Variants in SEZ6L2 observed in about 807,000 individuals in gnomAD.
SEZ6L2 encodes the protein seizure related 6 homolog like 2.
Under a neutral mutation model 97.0 loss-of-function variants are expected in SEZ6L2, and 44 were observed. The ratio of observed to expected loss-of-function variants is 0.45; its 90% CI spans 0.36 to 0.58. SEZ6L2 has a LOEUF of 0.58. SEZ6L2 is among the 20% of genes least tolerant of loss of function. The probability of loss-of-function intolerance (pLI) is 0.00; values close to 1 mark genes in which losing one functional copy is unlikely to be tolerated. For missense variants in SEZ6L2, 1,086 were observed against 1,233.3 expected, an observed-to-expected ratio of 0.88 and a Z score of 1.79; for synonymous variants, 543 against 546.1, an observed-to-expected ratio of 0.99 and a Z score of 0.08.
rs763695549 is a variant in SEZ6L2 at position 29,876,776 on chromosome 16, G to C, written c.2084C>G (p.Ala695Gly). ...TCQWDLSWSAAPPACQKIMTC... is the reference protein window; with the variant it reads ...TCQWDLSWSAGPPACQKIMTC... The stretch of plus-strand genomic sequence containing the variant: ...CTCACTCTTTTGGCAGGCGGGCGGC[G>C]CGGCGCTCCAAGACAGGTCCCACTG... The change falls in exon 12 of 18, where the codon GCG (alanine) becomes GGG (glycine). Residue 695 changes from alanine to glycine, a missense_variant. Coordinates refer to ENST00000617533, the MANE Select transcript of SEZ6L2 (RefSeq NM_001243332.2). This position sits in a 1 kb window ranked among gnomAD's most constrained non-coding sequence, Gnocchi z 6.5. 9 of 1,556,698 alleles carry C rather than the reference G, an allele frequency of 5.8e-6. No homozygotes were observed. The South Asian group carries it at 9.4e-5, about 16-fold the overall frequency.
intron 5 of SEZ6L2, among the ~76,000 whole-genome samples, 190 bp from the exon 6 acceptor site, chr16:29,888,915 A>G (rs1324611334): frequency 6.6e-6 from 1 of 151,702 alleles, no homozygotes; most frequent in Non-Finnish European, 1.5e-5. Context: ...AGGAAACTCC[A>G]ACACCCCTTA....
intron 9 of SEZ6L2, 146 bp from the exon 10 acceptor site, chr16:29,878,571 AT>A: frequency 3.5e-6 from 2 of 568,428 alleles, no homozygotes; most frequent in South Asian, 9.4e-5. Context: ...TTATTCTTTT[AT>A]TTTATTTATT....
In SEZ6L2 at chr16:29,871,525, G is replaced by C. The variant is rs2067779663; in HGVS notation, c.*174C>G. The C allele has an allele frequency of 1.4e-6, 1 of 693,212 alleles. No homozygotes were observed. Among genetic ancestry groups the C allele is most frequent in the Non-Finnish European group, 2.6e-6 (1 of 386,200 alleles). 42.9% of individuals were successfully genotyped at this position (693,212 alleles called of 1,614,324 possible). A position where few individuals can be genotyped will look rare whatever the true frequency, so the allele number is the denominator to read the frequency against. ...AGGCGGCTTTGGGCGGCAGGATGCT[G>C]GTTTATTTACTGTAGGATCTCCAGG... On this transcript the variant is annotated 3_prime_UTR_variant, in exon 18 of 18. Coordinates refer to ENST00000617533, the MANE Select transcript of SEZ6L2 (RefSeq NM_001243332.2).
intron 3 of SEZ6L2, among the ~76,000 whole-genome samples, chr16:29,896,533 C>T (rs2068393631): frequency 6.6e-6 from 1 of 152,190 alleles, no homozygotes; most frequent in Admixed American, 6.5e-5. Context: ...CCCGCCTGGC[C>T]TCCCAAAGTG....
At chr16:29,893,327 A>G (rs2068311585) in intron 5 of SEZ6L2, among the ~76,000 whole-genome samples, 1 of 151,616 alleles carries the variant, frequency 6.6e-6, no homozygotes, top group Non-Finnish European at 1.5e-5. Context: ...TCCATCTCAA[A>G]TAAATAAATA....
intron 7 of SEZ6L2, among the ~76,000 whole-genome samples, chr16:29,886,475 A>G (rs1323348077): frequency 3.3e-5 from 5 of 151,888 alleles, no homozygotes. Flanking sequence ...GGAGATCGAG[A>G]CCATCCTGGC....
intron 6 of SEZ6L2, 93 bp downstream of exon 6, chr16:29,888,447 C>T (rs2068194251): frequency 5.1e-6 from 7 of 1,382,476 alleles, no homozygotes; most frequent in Non-Finnish European, 7.0e-6. Context: ...AATGGGTTTT[C>T]CCCAAAGGTG....
chr16:29,889,614 CTTTTTTT>C (rs869108927), intron 5 of SEZ6L2, among the ~76,000 whole-genome samples: 66 of 70,538 alleles, frequency 9.4e-4, no homozygotes, highest in Non-Finnish European at 1.2e-3. Context: ...CTTGAAACTT[CTTTTTTT>C]TTTTTTTTTT....
At chr16:29,889,404 A>C (rs559782911) in intron 5 of SEZ6L2, among the ~76,000 whole-genome samples, 1 of 151,452 alleles carries the variant, frequency 6.6e-6, no homozygotes, top group South Asian at 2.1e-4. Flanking sequence ...GTCCCATTGC[A>C]CTCCAGCCTG....
chr16:29,894,383 T>C (rs1238759374), intron 5 of SEZ6L2, among the ~76,000 whole-genome samples: 1 of 152,118 alleles, frequency 6.6e-6, no homozygotes, highest in African/African-American at 2.4e-5. Flanking sequence ...TCTTGGAGTG[T>C]GCTTTTTCAT....
chr16:29,873,702 A>T lies in SEZ6L2; in HGVS notation c.2132T>A (p.Ile711Asn). Reference sequence around the variant, plus strand: ...CGAGGCGGTGCGGTGCCCGTTGGCAATCTCGCCAGGGTCAGCACAAGTCAT... The same window carrying T: ...CGAGGCGGTGCGGTGCCCGTTGGCATTCTCGCCAGGGTCAGCACAAGTCAT... ...KIMTCADPGE[I>N]ANGHRTASDA... The change falls in exon 13 of 18, where the codon ATT becomes AAT. Residue 711 changes from isoleucine (I) to asparagine (N), a missense_variant. Coordinates refer to ENST00000617533, the MANE Select transcript of SEZ6L2 (RefSeq NM_001243332.2). This position sits in a 1 kb window ranked among gnomAD's most constrained non-coding sequence, Gnocchi z 4.3. 1 of 1,603,046 alleles carries T rather than the reference A, an allele frequency of 6.2e-7. No homozygotes were observed. The highest frequency in any genetic ancestry group is 8.5e-7 in the Non-Finnish European group (1 of 1,176,192).
Position 29,898,986 on chromosome 16 carries a change from G to C in SEZ6L2, c.34C>G (p.Pro12Ala). The change falls in exon 1 of 18, where the codon CCC (proline) becomes GCC (alanine). Residue 12 changes from proline (P) to alanine (A), a missense_variant. By Grantham distance (27) the Pro-to-Ala change is conservative (BLOSUM62 -1). Around this residue, in one of 2 missense-constraint regions of SEZ6L2, gnomAD observed 776 missense variants for 794.7 expected, o/e 0.98. Coordinates refer to ENST00000617533, the MANE Select transcript of SEZ6L2 (RefSeq NM_001243332.2). The part of the protein sequence containing the change: ...GTPRAQHPPP[P>A]QLLFLILLSC... ...AGCAGAATTAGGAACAGCAGCTGGG[G>C]AGGCGGCGGGTGCTGGGCCCTGGGA... The C allele has an allele frequency of 6.2e-7, 1 of 1,612,152 alleles. No individual in the cohort carries two copies. Among genetic ancestry groups the C allele is most frequent in the Non-Finnish European group, 8.5e-7 (1 of 1,179,692 alleles).
In SEZ6L2 at chr16:29,878,356, C is replaced by T; in HGVS notation, c.1643G>A (p.Ser548Asn). 1 of 1,608,398 alleles carries T rather than the reference C, an allele frequency of 6.2e-7. No individual in the cohort carries two copies. Among genetic ancestry groups the T allele is most frequent in the Non-Finnish European group, 8.5e-7 (1 of 1,177,026 alleles). Residue 548 changes from serine (S) to asparagine (N), a missense_variant, in exon 10 of 18, where the codon AGC (serine) becomes AAC (asparagine). Physicochemically the swap from Ser to Asn is conservative, Grantham distance 46 (BLOSUM62 1). Around this residue, in one of 2 missense-constraint regions of SEZ6L2, gnomAD observed 776 missense variants for 794.7 expected, o/e 0.98. Coordinates refer to ENST00000617533, the MANE Select transcript of SEZ6L2 (RefSeq NM_001243332.2). ...GCCCCACACGCAGTCTTGGCCCGGGCTATAGCTCTGGGGCCAGTCGGGAGA... is the reference window on the plus strand; with the variant it reads ...GCCCCACACGCAGTCTTGGCCCGGGTTATAGCTCTGGGGCCAGTCGGGAGA... ...VLSPDWPQSYSPGQDCVWGVH... is the reference protein window; with the variant it reads ...VLSPDWPQSYNPGQDCVWGVH...
At position 29,887,655 on chromosome 16, in the gene SEZ6L2, T is replaced by C; in HGVS notation, c.1202A>G (p.Asn401Ser). 1 of 1,574,000 alleles carries C rather than the reference T, an allele frequency of 6.4e-7. No homozygotes were observed. The highest frequency in any genetic ancestry group is 8.6e-7 in the Non-Finnish European group (1 of 1,157,668). ...HFERVSLDED[N>S]DRLMVRSGGS... is the part of the protein sequence containing the mutation. The stretch of plus-strand genomic sequence containing the variant: ...CCAAGACCCAGACCCTTACCGGTCA[T>C]TGTCCTCATCCAGCGAGACCCTTTC... The change falls in exon 7 of 18, where the codon AAT becomes AGT. Residue 401 changes from asparagine (N) to serine (S), a missense_variant. Transcript: ENST00000617533.
At chr16:29,872,784 G>T in intron 14 of SEZ6L2, 41 bp from the exon 15 acceptor site, 2 of 1,546,120 alleles carry the variant, frequency 1.3e-6, no homozygotes, top group Non-Finnish European at 1.8e-6. Flanking sequence ...TCTGAGCCAG[G>T]GAGGGGAGGA....
chr16:29,895,609 G>T, intron 4 of SEZ6L2, 112 bp downstream of exon 4: 8 of 1,433,522 alleles, frequency 5.6e-6, no homozygotes, highest in Non-Finnish European at 7.6e-6. Flanking sequence ...AGTTTTTGAG[G>T]TCACCTGAGT....
chr16:29,878,257 C>T (rs2067951585), intron 10 of SEZ6L2, 30 bp downstream of exon 10: 2 of 1,565,904 alleles, frequency 1.3e-6, no homozygotes, highest in Non-Finnish European at 8.7e-7. Flanking sequence ...AGCCTACACC[C>T]GTCGCACCCT....
In SEZ6L2 at chr16:29,879,879, C is replaced by T; in HGVS notation, c.1558G>A (p.Glu520Lys). The change falls in exon 9 of 18, where the codon GAG becomes AAG. Residue 520 changes from glutamate to lysine, a missense_variant. Coordinates refer to ENST00000617533, the MANE Select transcript of SEZ6L2 (RefSeq NM_001243332.2). ...GAAGGCTCACCTTTGCAGGCCGGCT[C>T]TGTGTCGTTCCAGTGGGGTTCTGTG... is the stretch of plus-strand genomic sequence containing the variant. ...DPTEPHWNDTEPACKAMCGGE... is the reference protein window; with the variant it reads ...DPTEPHWNDTKPACKAMCGGE... 1.9e-6 allele frequency: 3 copies of T among 1,607,580 alleles called. No homozygotes were observed. The highest frequency in any genetic ancestry group is 2.6e-6 in the Non-Finnish European group (3 of 1,175,252).
At chr16:29,871,853 G>C in intron 17 of SEZ6L2, 125 bp from the exon 18 acceptor site, 1 of 848,680 alleles carries the variant, frequency 1.2e-6, no homozygotes, top group Non-Finnish European at 2.0e-6. Flanking sequence ...TGGGGGGCCA[G>C]TGAATGTGTT....
Sources: gnomAD v4.1 joint callset for allele counts (sites outside exome capture counted in the v4.1 genomes callset) on GRCh38, gnomAD v4.1.1 for gene constraint, gnomAD v4.1.1 regional missense constraint, Gnocchi (gnomAD v3.1) non-coding constraint, MANE v1.5 for transcripts, NCBI Gene and HGNC (gene_info 2026-07-23, HGNC 2026-07-21) for gene names.